C8orf34: variants seen among roughly 807,000 people sequenced by gnomAD.
C8orf34 encodes uncharacterized protein C8orf34.
A neutral mutation model predicts 68.3 loss-of-function variants in C8orf34; 65 were observed. That is an observed-to-expected ratio of 0.95 (90% CI 0.78 to 1.17). C8orf34 has a LOEUF of 1.17. Among genes scored for constraint, C8orf34 ranks in the 50% most tolerant of loss-of-function variants. The pLI, the probability that C8orf34 is intolerant of heterozygous loss-of-function variation, is 0.00. For missense variants in C8orf34, 664 were observed against 655.4 expected (o/e 1.01, Z -0.14); for synonymous variants, 244 against 241.2 (o/e 1.01, Z -0.11).
intron 10 of C8orf34, among the ~76,000 whole-genome samples, chr8:68,728,484 A>G (rs1240928064): frequency 1.3e-5 from 2 of 152,100 alleles, no homozygotes; most frequent in Non-Finnish European, 2.9e-5. Flanking sequence ...GCCCCACTCT[A>G]CTGGTACCAA....
chr8:68,399,768 C>T (rs1808868173), intron 1 of C8orf34, among the ~76,000 whole-genome samples: 1 of 152,110 alleles, frequency 6.6e-6, no homozygotes, highest in Non-Finnish European at 1.5e-5. Context: ...GTAATTACAT[C>T]ACCACCAACA....
chr8:68,776,847 TGGTC>T (rs1823534407), intron 11 of C8orf34, among the ~76,000 whole-genome samples: 1 of 152,222 alleles, frequency 6.6e-6, no homozygotes, highest in Non-Finnish European at 1.5e-5. Context: ...ATGGGACAAA[TGGTC>T]ATCAGGGATG....
chr8:68,677,502 G>A (rs1034171831), intron 8 of C8orf34, among the ~76,000 whole-genome samples: 1 of 151,966 alleles, frequency 6.6e-6, no homozygotes, highest in Non-Finnish European at 1.5e-5. Context: ...GAGACTACAA[G>A]CATGTGTCAC....
intron 7 of C8orf34, among the ~76,000 whole-genome samples, chr8:68,563,798 G>A (rs927307602): frequency 2.6e-5 from 4 of 152,168 alleles, no homozygotes; most frequent in African/African-American, 9.6e-5. Context: ...ATATATAATC[G>A]AAAAGTGACA....
chr8:68,533,969 AATAAT>A (rs1563513779), intron 7 of C8orf34: 8 of 857,164 alleles, frequency 9.3e-6, no homozygotes, highest in Admixed American at 6.2e-5. Context: ...AAAGAGAATA[AATAAT>A]ATAATTATTT....
At chr8:68,437,506 A>C (rs1009707487) in intron 1 of C8orf34, among the ~76,000 whole-genome samples, 2 of 152,168 alleles carry the variant, frequency 1.3e-5, no homozygotes, top group Non-Finnish European at 2.9e-5. Flanking sequence ...AAATTAGTTC[A>C]AATAAAGCAT....
chr8:68,446,074 C>A (rs1811109299), intron 2 of C8orf34, among the ~76,000 whole-genome samples: 1 of 152,146 alleles, frequency 6.6e-6, no homozygotes, highest in Non-Finnish European at 1.5e-5. Flanking sequence ...AGGCATGAAC[C>A]ACTGCGCCCA....
At chr8:68,606,214 C>G (rs1817848681) in intron 7 of C8orf34, among the ~76,000 whole-genome samples, 1 of 151,954 alleles carries the variant, frequency 6.6e-6, no homozygotes, top group Non-Finnish European at 1.5e-5. Context: ...AGGAAGCAAA[C>G]TATCATAATT....
chr8:68,368,162 A>T (rs1807395903), intron 1 of C8orf34, among the ~76,000 whole-genome samples: 10 of 152,132 alleles, frequency 6.6e-5, no homozygotes, highest in Admixed American at 6.6e-4. Context: ...ACCACAGATT[A>T]TCCTCTGAAA....
intron 7 of C8orf34, among the ~76,000 whole-genome samples, chr8:68,629,229 G>T (rs2130684846): frequency 6.6e-6 from 1 of 152,192 alleles, no homozygotes; most frequent in South Asian, 2.1e-4. Flanking sequence ...ATCCAGACTT[G>T]TCCCTCTGAG....
intron 11 of C8orf34, among the ~76,000 whole-genome samples, chr8:68,778,189 CTT>C (rs1372068084): frequency 6.6e-6 from 1 of 152,098 alleles, no homozygotes; most frequent in Non-Finnish European, 1.5e-5. Context: ...AAATGATAGT[CTT>C]TTGTCTTTTC....
At chr8:68,486,362 T>C (rs1813078948) in intron 4 of C8orf34, among the ~76,000 whole-genome samples, 1 of 152,214 alleles carries the variant, frequency 6.6e-6, no homozygotes, top group African/African-American at 2.4e-5. Context: ...TTGAAGGCAC[T>C]ACCTTCATAA....
At chr8:68,444,643 T>C (rs1197482096) in intron 2 of C8orf34, among the ~76,000 whole-genome samples, 1 of 152,206 alleles carries the variant, frequency 6.6e-6, no homozygotes, top group Admixed American at 6.5e-5. Context: ...TCATGTTTAC[T>C]ATTAAAATTT....
intron 7 of C8orf34, among the ~76,000 whole-genome samples, chr8:68,558,046 A>C (rs1816305229): frequency 6.6e-6 from 1 of 152,192 alleles, no homozygotes; most frequent in Admixed American, 6.5e-5. Context: ...TCCACCTAAA[A>C]TATGAAAAGA....
intron 7 of C8orf34, among the ~76,000 whole-genome samples, chr8:68,605,286 G>A (rs1472236489): frequency 1.3e-5 from 2 of 152,078 alleles, no homozygotes; most frequent in African/African-American, 4.8e-5. Flanking sequence ...CAGTCACTTT[G>A]GAAAACAGTT....
chr8:68,518,886 CA>C (rs56255310), intron 5 of C8orf34, among the ~76,000 whole-genome samples: 107 of 78,194 alleles, frequency 1.4e-3, no homozygotes, highest in South Asian at 5.8e-3. Context: ...GAGCAAGACT[CA>C]AAAAAAAAAA....
At chr8:68,735,628 A>C (rs1478434802) in intron 10 of C8orf34, among the ~76,000 whole-genome samples, 2 of 152,146 alleles carry the variant, frequency 1.3e-5, no homozygotes, top group Admixed American at 1.3e-4. Context: ...AGGAGGCCAC[A>C]GTTATAACTT....
intron 10 of C8orf34, among the ~76,000 whole-genome samples, chr8:68,741,138 C>A (rs1221729013): frequency 6.6e-6 from 1 of 151,984 alleles, no homozygotes; most frequent in Admixed American, 6.6e-5. Context: ...GGCTGAATAG[C>A]TGGATGACGA....
intron 10 of C8orf34, among the ~76,000 whole-genome samples, chr8:68,761,579 AAAAT>A (rs1156570626): frequency 1.3e-5 from 2 of 152,214 alleles, no homozygotes; most frequent in African/African-American, 2.4e-5. Flanking sequence ...CTTCGGATGA[AAAAT>A]AAATAACTTC....
Sources: allele counts gnomAD v4.1 joint callset (sites outside exome capture counted in the v4.1 genomes callset), GRCh38; gene constraint gnomAD v4.1.1; transcripts MANE v1.5; gene names NCBI Gene and HGNC (gene_info 2026-07-23, HGNC 2026-07-21).